Variants in ITFG1 observed in about 807,000 individuals in gnomAD.
ITFG1 encodes integrin alpha FG-GAP repeat containing 1, also known as T-cell immunomodulatory protein.
ITFG1 carries 34 observed loss-of-function variants against 81.8 expected under a neutral mutation model. The ratio of observed to expected loss-of-function variants is 0.42; its 90% CI spans 0.32 to 0.55. The LOEUF (loss-of-function observed/expected upper bound fraction) is 0.55, where lower values mean the gene tolerates loss of function less well. Ranked by LOEUF, ITFG1 falls within the 20% of genes least tolerant of loss-of-function variation. The pLI is 0.17. For missense variants in ITFG1, 672 were observed against 755.4 expected (o/e 0.89, Z 1.29); for synonymous variants, 285 against 270.6 (o/e 1.05, Z -0.52).
intron 13 of ITFG1, among the ~76,000 whole-genome samples, chr16:47,221,121 G>C (rs1310856373): frequency 2.6e-5 from 4 of 152,086 alleles, no homozygotes; most frequent in African/African-American, 9.7e-5. Context: ...TCCATTCCCA[G>C]AGAAATGTCA....
At chr16:47,442,847 A>T (rs1969271583) in intron 5 of ITFG1, among the ~76,000 whole-genome samples, 1 of 152,234 alleles carries the variant, frequency 6.6e-6, no homozygotes, top group Admixed American at 6.5e-5. Flanking sequence ...ATGGGCAAGG[A>T]CTGCATATCT....
intron 15 of ITFG1, 83 bp from the exon 16 acceptor site, chr16:47,161,915 A>G (rs1309660959): frequency 2.9e-5 from 25 of 861,086 alleles, no homozygotes; most frequent in Non-Finnish European, 4.8e-5. Context: ...TGAAAAATCT[A>G]GCTACTTTGA....
chr16:47,439,242 C>T (rs774484326), intron 5 of ITFG1, among the ~76,000 whole-genome samples: 5 of 152,068 alleles, frequency 3.3e-5, no homozygotes, highest in African/African-American at 4.8e-5. Context: ...GAGAATGGAA[C>T]CAAGTTGGAA....
At chr16:47,162,816 A>G in intron 14 of ITFG1, 152 bp from the exon 15 acceptor site, 1 of 658,636 alleles carries the variant, frequency 1.5e-6, no homozygotes, top group African/African-American at 1.9e-5. Flanking sequence ...AATATTAATG[A>G]TTCACTTTTT....
intron 6 of ITFG1, among the ~76,000 whole-genome samples, chr16:47,417,672 A>C (rs182797833): frequency 1.3e-5 from 2 of 152,326 alleles, no homozygotes; most frequent in Non-Finnish European, 2.9e-5. Flanking sequence ...CACTTAACAT[A>C]ATGATCTCAA....
intron 14 of ITFG1, among the ~76,000 whole-genome samples, chr16:47,173,560 A>G (rs1215960296): frequency 6.6e-6 from 1 of 152,202 alleles, no homozygotes; most frequent in Non-Finnish European, 1.5e-5. Context: ...ATGTTAGCAC[A>G]TCACGATTGT....
chr16:47,398,148 C>T (rs370770435), intron 6 of ITFG1, among the ~76,000 whole-genome samples: 1 of 152,314 alleles, frequency 6.6e-6, no homozygotes, highest in South Asian at 2.1e-4. Context: ...AGCTGCATGG[C>T]TTTTAACAGC....
intron 5 of ITFG1, among the ~76,000 whole-genome samples, chr16:47,434,428 G>A (rs563437988): frequency 6.6e-6 from 1 of 150,912 alleles, no homozygotes; most frequent in East Asian, 1.9e-4. Flanking sequence ...ACATTCCTGT[G>A]GCCAAAAAAC....
At chr16:47,162,974 AT>A in intron 14 of ITFG1, among the ~76,000 whole-genome samples, 2 of 152,194 alleles carry the variant, frequency 1.3e-5, no homozygotes, top group South Asian at 4.1e-4. Context: ...GGCTCGGCTA[AT>A]TTTTAAATAT....
At chr16:47,356,739 C>G (rs1968045083) in intron 8 of ITFG1, among the ~76,000 whole-genome samples, 1 of 152,162 alleles carries the variant, frequency 6.6e-6, no homozygotes, top group South Asian at 2.1e-4. Context: ...TATGACTTAT[C>G]AATGAATGGG....
At chr16:47,181,098 G>C (rs1440151576) in intron 14 of ITFG1, among the ~76,000 whole-genome samples, 2 of 150,160 alleles carry the variant, frequency 1.3e-5, no homozygotes, top group African/African-American at 4.9e-5. Flanking sequence ...AGTGAGGAGC[G>C]TCTCTGCCCG....
intron 8 of ITFG1, among the ~76,000 whole-genome samples, chr16:47,323,946 T>C (rs564986141): frequency 6.6e-6 from 1 of 152,308 alleles, no homozygotes; most frequent in Non-Finnish European, 1.5e-5. Context: ...TAAAACTCTA[T>C]GGCTATTGTT....
chr16:47,264,545 TACACACACACACACACAC>T lies in ITFG1; in HGVS notation c.1071-3868_1071-3851del, dbSNP rs60424367. 5.2e-3 allele frequency among the ~76,000 whole-genome samples: 706 copies of T among 136,126 alleles called. 5 individuals are homozygous for T. The highest frequency in any genetic ancestry group is 8.9e-3 in the Admixed American group (120 of 13,440). 89.3% of individuals were successfully genotyped at this position (136,126 alleles called of 152,430 possible). A position where few individuals can be genotyped will look rare whatever the true frequency, so the allele number is the denominator to read the frequency against. ...CAGGTTATTGCCAACTGTTCTCTAT[TACACACACACACACACAC>T]ACACACACACACACACACACACACA... On this transcript the variant is annotated intron_variant, in intron 10 of 17. Transcript: ENST00000320640.
At chr16:47,422,250 C>A (rs1968960127) in intron 6 of ITFG1, among the ~76,000 whole-genome samples, 1 of 152,174 alleles carries the variant, frequency 6.6e-6, no homozygotes, top group African/African-American at 2.4e-5. Flanking sequence ...GAGGAATCAC[C>A]ACACTGTCTT....
chr16:47,214,921 AACACAC>A (rs57114470), intron 14 of ITFG1, among the ~76,000 whole-genome samples: 4,723 of 145,056 alleles, frequency 0.033, 174 homozygotes, highest in African/African-American at 0.089. Flanking sequence ...CCAGTGTGAA[AACACAC>A]ACACACACAC....
At chr16:47,372,469 T>TA (rs1246233536) in intron 7 of ITFG1, among the ~76,000 whole-genome samples, 1 of 151,660 alleles carries the variant, frequency 6.6e-6, no homozygotes, top group Non-Finnish European at 1.5e-5. Flanking sequence ...TTTTTTTTTT[T>TA]ATTTTTTGAG....
intron 7 of ITFG1, 56 bp downstream of exon 7, chr16:47,375,820 G>T: frequency 9.8e-7 from 1 of 1,022,398 alleles, no homozygotes; most frequent in Non-Finnish European, 1.6e-6. Context: ...TTCTAAAATT[G>T]TGTGCTTTTA....
intron 10 of ITFG1, among the ~76,000 whole-genome samples, chr16:47,289,479 G>T (rs1006493871): frequency 6.6e-6 from 1 of 152,052 alleles, no homozygotes. Context: ...ACTGGGTCCT[G>T]GGCTTTTCTT....
chr16:47,411,981 A>G (rs1968817363), intron 6 of ITFG1, among the ~76,000 whole-genome samples: 1 of 152,224 alleles, frequency 6.6e-6, no homozygotes, highest in Non-Finnish European at 1.5e-5. Context: ...CCCAATGCAG[A>G]AATCTAGCCA....
Sources: gnomAD v4.1 joint callset for allele counts (sites outside exome capture counted in the v4.1 genomes callset) on GRCh38, gnomAD v4.1.1 for gene constraint, MANE v1.5 for transcripts, NCBI Gene and HGNC (gene_info 2026-07-23, HGNC 2026-07-21) for gene names.